The following SUCLA2 variants were observed in gnomAD, a reference collection of about 807,000 sequenced individuals.
SUCLA2 encodes succinate--CoA ligase [ADP-forming] subunit beta, mitochondrial.
Under a neutral mutation model 54.8 loss-of-function variants are expected in SUCLA2, and 30 were observed. That is an observed-to-expected ratio of 0.55 (90% CI 0.41 to 0.74). SUCLA2 has a LOEUF of 0.74. SUCLA2 is among the 30% of genes least tolerant of loss of function. SUCLA2 has a pLI of 0.00. For missense variants in SUCLA2, 476 were observed against 562.9 expected (o/e 0.85, Z 1.56); for synonymous variants, 172 against 188.9 (o/e 0.91, Z 0.74).
At chr13:47,955,479 A>G (rs1434620293) in intron 6 of SUCLA2, among the ~76,000 whole-genome samples, 1 of 152,176 alleles carries the variant, frequency 6.6e-6, no homozygotes, top group Non-Finnish European at 1.5e-5. Flanking sequence ...TGAGATTAAA[A>G]GTGTGAGCAA....
chr13:47,972,124 G>A (rs1010665089), intron 5 of SUCLA2: 19 of 336,556 alleles, frequency 5.6e-5, no homozygotes, highest in Middle Eastern at 7.8e-4. Flanking sequence ...GCATGGTGAC[G>A]TGCGCCTGTA....
At chr13:48,000,971 G>A (rs890192323) in intron 1 of SUCLA2, 18 of 1,416,712 alleles carry the variant, frequency 1.3e-5, no homozygotes, top group Non-Finnish European at 1.6e-5. Context: ...GGATCCTCGC[G>A]GACTAAGGGC....
chr13:47,966,541 A>AG (rs59196993), intron 6 of SUCLA2, among the ~76,000 whole-genome samples: 1 of 150,158 alleles, frequency 6.7e-6, no homozygotes. Context: ...AAAAAAAAAA[A>AG]GGCAAAAACT....
intron 1 of SUCLA2, among the ~76,000 whole-genome samples, chr13:48,000,560 G>A (rs1950222093): frequency 6.6e-6 from 1 of 152,172 alleles, no homozygotes; most frequent in Non-Finnish European, 1.5e-5. Flanking sequence ...TAACTATTAT[G>A]CTATAGCCTA....
At chr13:47,999,367 G>A (rs1370429674) in intron 1 of SUCLA2, among the ~76,000 whole-genome samples, 2 of 152,096 alleles carry the variant, frequency 1.3e-5, no homozygotes, top group Non-Finnish European at 2.9e-5. Context: ...AGGTACACTA[G>A]GCTAAAGATA....
intron 2 of SUCLA2, among the ~76,000 whole-genome samples, chr13:47,992,557 C>T (rs1950158320): frequency 6.6e-6 from 1 of 152,154 alleles, no homozygotes; most frequent in Non-Finnish European, 1.5e-5. Context: ...ACTGTGCTAG[C>T]GTTGTAGATA....
intron 4 of SUCLA2, among the ~76,000 whole-genome samples, chr13:47,979,426 G>T (rs1950043874): frequency 1.3e-5 from 2 of 152,112 alleles, no homozygotes; most frequent in Non-Finnish European, 2.9e-5. Flanking sequence ...TCATAAGTGG[G>T]AGTTGAACAA....
chr13:47,954,786 T>C (rs895068445), intron 6 of SUCLA2, among the ~76,000 whole-genome samples: 2 of 152,206 alleles, frequency 1.3e-5, no homozygotes, highest in Non-Finnish European at 1.5e-5. Flanking sequence ...TGCTATGCAC[T>C]ACATAAAGAA....
intron 6 of SUCLA2, among the ~76,000 whole-genome samples, chr13:47,957,378 G>A (rs2137698513): frequency 6.6e-6 from 1 of 152,264 alleles, no homozygotes; most frequent in South Asian, 2.1e-4. Context: ...ACAGATTTTG[G>A]TTAGTTGACA....
At chr13:47,965,538 A>C (rs1949911552) in intron 6 of SUCLA2, 1 of 397,456 alleles carries the variant, frequency 2.5e-6, no homozygotes, top group African/African-American at 2.1e-5. Flanking sequence ...ACAAAGAAAA[A>C]CAGGAACAAC....
intron 5 of SUCLA2, 62 bp downstream of exon 5, chr13:47,973,201 GT>G: frequency 7.1e-7 from 1 of 1,408,518 alleles, no homozygotes; most frequent in African/African-American, 1.4e-5. Flanking sequence ...CAGTTGTACG[GT>G]TATCTTTAAG....
intron 6 of SUCLA2, among the ~76,000 whole-genome samples, chr13:47,965,021 A>T (rs1404220584): frequency 6.6e-6 from 1 of 151,782 alleles, no homozygotes; most frequent in Non-Finnish European, 1.5e-5. Context: ...AGCAAGCCTG[A>T]AAGTGGCCTC....
intron 2 of SUCLA2, among the ~76,000 whole-genome samples, chr13:47,989,268 T>C (rs866113491): frequency 7.3e-5 from 11 of 151,330 alleles, no homozygotes; most frequent in Admixed American, 4.6e-4. Context: ...TGGAGTGCAG[T>C]GGCGCGATCT....
intron 4 of SUCLA2, among the ~76,000 whole-genome samples, chr13:47,987,044 T>A (rs1198205022): frequency 1.3e-5 from 2 of 152,328 alleles, no homozygotes; most frequent in East Asian, 3.9e-4. Flanking sequence ...GGTCAAACAG[T>A]TTTACTGGTA....
intron 4 of SUCLA2, among the ~76,000 whole-genome samples, chr13:47,974,782 T>A (rs1949995977): frequency 1.3e-5 from 2 of 152,072 alleles, no homozygotes; most frequent in South Asian, 4.2e-4. Flanking sequence ...AAACTAGAAA[T>A]AATGTTAACA....
rs530900334 is a variant in SUCLA2 at position 47,997,123 on chromosome 13, A to G, written c.91-100T>C. 2.0e-4 allele frequency: 247 copies of G among 1,227,140 alleles called. 4 individuals are homozygous for G. In the South Asian group the frequency reaches 2.9e-3, roughly 15 times the overall value. 76.0% of individuals were successfully genotyped at this position (1,227,140 alleles called of 1,614,324 possible). On this transcript the variant is annotated intron_variant, in intron 1 of 10. Transcript: ENST00000646932. The stretch of plus-strand genomic sequence containing the variant: ...AACTATAACAAAACTGTTACATTAC[A>G]TTAGCAAAGTACAATATTCAGAGTA...
At chr13:47,964,849 C>T (rs747552311) in intron 6 of SUCLA2, among the ~76,000 whole-genome samples, 5 of 151,242 alleles carry the variant, frequency 3.3e-5, no homozygotes, top group Non-Finnish European at 5.9e-5. Context: ...AGAGCAAGAC[C>T]CCGTCTCAAA....
chr13:47,949,852 T>C (rs948560021), intron 8 of SUCLA2, among the ~76,000 whole-genome samples: 5 of 152,212 alleles, frequency 3.3e-5, no homozygotes, highest in Non-Finnish European at 7.3e-5. Context: ...ATATCCCATA[T>C]GAACAAGACC....
intron 5 of SUCLA2, among the ~76,000 whole-genome samples, chr13:47,972,748 C>CTTTT (rs1204256460): frequency 9.3e-5 from 11 of 118,674 alleles, no homozygotes; most frequent in Admixed American, 9.1e-5. Context: ...TATAGTGACT[C>CTTTT]TTTTTTTTTT....
Sources: allele counts gnomAD v4.1 joint callset (sites outside exome capture counted in the v4.1 genomes callset), GRCh38; gene constraint gnomAD v4.1.1; transcripts MANE v1.5; gene names NCBI Gene and HGNC (gene_info 2026-07-23, HGNC 2026-07-21).